POLQ: variants seen among roughly 807,000 people sequenced by gnomAD.
POLQ encodes DNA polymerase theta, also known as epididymis secretory sperm binding protein.
A neutral mutation model predicts 259.2 loss-of-function variants in POLQ; 233 were observed. That is an observed-to-expected ratio of 0.90 (90% confidence interval 0.81 to 1.00). POLQ has a LOEUF of 1.00. Ranked by LOEUF, POLQ falls within the 50% of genes least tolerant of loss-of-function variation. POLQ has a pLI of 0.00. For synonymous variants in POLQ, 1,025 were observed against 1,048.8 expected (o/e 0.98, Z 0.44); for missense variants, 2,871 against 3,051.6 (o/e 0.94, Z 1.39).
chr3:121,539,220 T>C (rs1198382691), intron 4 of POLQ, among the ~76,000 whole-genome samples: 1 of 152,112 alleles, frequency 6.6e-6, no homozygotes, highest in Non-Finnish European at 1.5e-5. Flanking sequence ...TTTTGTAAAG[T>C]ACAAAAATGC....
chr3:121,476,034 G>C (rs574771579), intron 20 of POLQ, among the ~76,000 whole-genome samples: 1 of 152,118 alleles, frequency 6.6e-6, no homozygotes, highest in African/African-American at 2.4e-5. Flanking sequence ...CGAAGGAACA[G>C]AAAATCAAAT....
At chr3:121,469,517 A>C (rs546301236) in intron 22 of POLQ, among the ~76,000 whole-genome samples, 1 of 152,288 alleles carries the variant, frequency 6.6e-6, no homozygotes, top group South Asian at 2.1e-4. Context: ...CTTTTAGCAC[A>C]AAATAAGTGC....
intron 10 of POLQ, 99 bp downstream of exon 10, chr3:121,511,788 T>TA (rs1177825639): frequency 3.2e-5 from 32 of 986,520 alleles, no homozygotes; most frequent in South Asian, 1.8e-4. Flanking sequence ...AAAAATAAAT[T>TA]AAAAAAAATA....
intron 28 of POLQ, among the ~76,000 whole-genome samples, chr3:121,435,356 A>G (rs1252562876): frequency 2.6e-5 from 4 of 152,238 alleles, no homozygotes; most frequent in Non-Finnish European, 4.4e-5. Flanking sequence ...CAAGAAAACA[A>G]TATCAGCAAA....
rs772443644 is a variant in POLQ at position 121,481,657 on chromosome 3, C to T, written c.6126G>A (p.Gly2042=). 6.2e-7 allele frequency: 1 copy of T among 1,614,040 alleles called. No homozygotes were observed. The highest frequency in any genetic ancestry group is 1.7e-5 in the Admixed American group (1 of 60,000). The change falls in exon 19 of 30, where the codon GGG becomes GGA. Residue 2042 remains glycine, a synonymous_variant. Transcript: ENST00000264233. The part of the protein sequence containing the change: ...LGLNAGSEHS[G]RYRASVESIL... Reference sequence around the variant, plus strand: ...TGGACTCCACAGATGCTCTGTATCGCCCAGAATGCTCACTGCCAGCATTTA... The same window carrying T: ...TGGACTCCACAGATGCTCTGTATCGTCCAGAATGCTCACTGCCAGCATTTA...
intron 25 of POLQ, among the ~76,000 whole-genome samples, chr3:121,455,234 T>C (rs1420910580): frequency 7.0e-6 from 1 of 143,098 alleles, no homozygotes; most frequent in Admixed American, 7.0e-5. Context: ...TTCAAAGCAG[T>C]GTGTAGAGGG....
rs543745720 is a variant in POLQ at position 121,467,410 on chromosome 3, T to C, written c.6967+109A>G. On this transcript the variant is annotated intron_variant, in intron 24 of 29. Coordinates refer to ENST00000264233, the MANE Select transcript of POLQ (RefSeq NM_199420.4). Reference sequence around the variant, plus strand: ...GCAGGCTCCACCGTAGACAGAAAGATGGAGGGACCAATGCATGCTCTAAGT... The same window carrying C: ...GCAGGCTCCACCGTAGACAGAAAGACGGAGGGACCAATGCATGCTCTAAGT... 1.7e-4 allele frequency: 179 copies of C among 1,032,662 alleles called. 1 individual carries two copies. The South Asian group carries it at 2.8e-3, about 16-fold the overall frequency. The allele number at this position is 1,032,662 out of a possible 1,614,324, so 64.0% of individuals were successfully genotyped here. A position where few individuals can be genotyped will look rare whatever the true frequency, so the allele number is the denominator to read the frequency against.
At position 121,481,637 on chromosome 3, in the gene POLQ, TC is replaced by T. The variant is rs1172592057; in HGVS notation, c.6145del (p.Glu2049SerfsTer9). ...CATAGAGTTGAAGATGAGAATGGAC[TC>T]CACAGATGCTCTGTATCGCCCAGAA... ...EHSGRYRASV[E>X]SILIFNSMNQ... On this transcript the variant is annotated frameshift_variant, in exon 19 of 30. Coordinates refer to ENST00000264233, the MANE Select transcript of POLQ (RefSeq NM_199420.4). LOFTEE classifies it high-confidence loss of function. 3.7e-6 allele frequency: 6 copies of T among 1,613,760 alleles called. No homozygotes were observed. Among genetic ancestry groups the T allele is most frequent in the Admixed American group, 1.7e-5 (1 of 59,974 alleles).
chr3:121,477,762 C>T (rs1329144623), intron 19 of POLQ, among the ~76,000 whole-genome samples: 1 of 151,978 alleles, frequency 6.6e-6, no homozygotes, highest in Non-Finnish European at 1.5e-5. Flanking sequence ...TCTAAGCAAC[C>T]CTGGCCCACC....
Position 121,545,864 on chromosome 3 carries a change from CGCAGAAGATTCATG to C in POLQ, c.-1_13del. The C allele has an allele frequency of 6.2e-7, 1 of 1,613,974 alleles. No individual in the cohort carries two copies. The highest frequency in any genetic ancestry group is 8.5e-7 in the Non-Finnish European group (1 of 1,179,988). On this transcript the variant is annotated start_lost and 5_prime_UTR_variant, in exon 1 of 30. Coordinates refer to ENST00000264233, the MANE Select transcript of POLQ (RefSeq NM_199420.4). ...TGAACGCCGCCGTTTCCCACTCCGA[CGCAGAAGATTCATG>C]GCAAACTCTTCTCGGCCGATCAGGG...
Position 121,509,913 on chromosome 3 carries a change from T to TA in POLQ, c.1816+125dup, listed in dbSNP as rs1252021247. 1.0e-5 allele frequency: 9 copies of TA among 887,792 alleles called. No homozygotes were observed. In the East Asian group the frequency reaches 2.0e-4, roughly 20 times the overall value. 55.0% of individuals were successfully genotyped at this position (887,792 alleles called of 1,614,324 possible). A position where few individuals can be genotyped will look rare whatever the true frequency, so the allele number is the denominator to read the frequency against. Reference sequence around the variant, plus strand: ...TACTGATTTACTAAAAATGAGTTGATACACTGCTCAAAAAATCAAATTCCT... The same window carrying TA: ...TACTGATTTACTAAAAATGAGTTGATAACACTGCTCAAAAAATCAAATTCCT... On this transcript the variant is annotated intron_variant, in intron 11 of 29. Coordinates refer to ENST00000264233, the MANE Select transcript of POLQ (RefSeq NM_199420.4).
chr3:121,484,053 G>T (rs564515101), intron 17 of POLQ, among the ~76,000 whole-genome samples: 99 of 152,030 alleles, frequency 6.5e-4, no homozygotes, highest in African/African-American at 2.3e-3. Context: ...ACACTATACA[G>T]CATCCTTTAA....
chr3:121,493,737 A>T lies in POLQ; in HGVS notation c.2279-16T>A. The stretch of plus-strand genomic sequence containing the variant: ...GTAATCATCCCTAGAACATTCATAG[A>T]ATATTTGTTGAATTCAATTTTTTTT... On this transcript the variant is annotated splice_polypyrimidine_tract_variant and intron_variant, in intron 14 of 29. Transcript: ENST00000264233. 2 of 1,595,354 alleles carry T rather than the reference A, an allele frequency of 1.3e-6. No homozygotes were observed. The highest frequency in any genetic ancestry group is 1.7e-6 in the Non-Finnish European group (2 of 1,168,388).
chr3:121,485,076 T>C lies in POLQ; in HGVS notation c.5738A>G (p.Tyr1913Cys), dbSNP rs778621509. The C allele has an allele frequency of 2.7e-5, 44 of 1,612,790 alleles. 1 individual carries two copies. Among genetic ancestry groups the C allele is most frequent in the Non-Finnish European group, 3.7e-5 (44 of 1,179,536 alleles). ...TTGTTCCTTCTGCAGTGAAAAATAA[T>C]AGGCATCCCTTCCACCCCAGCATAC... is the stretch of plus-strand genomic sequence containing the variant. ...LAVCWGGRDA[Y>C]YFSLQKEQKH... Residue 1913 changes from tyrosine (Y) to cysteine (C), a missense_variant, in exon 17 of 30, where the codon TAT (tyrosine) becomes TGT (cysteine). By Grantham distance (194) the Tyr-to-Cys change is radical. Around this residue, in one of 3 missense-constraint regions of POLQ, gnomAD observed 2,080 missense variants for 2,126.0 expected, o/e 0.98. Transcript: ENST00000264233.
rs981912103 is a variant in POLQ at position 121,464,529 on chromosome 3, C to T, written c.6967+2990G>A. Among the ~76,000 whole-genome samples, 3 of 152,010 alleles carry T rather than the reference C, an allele frequency of 2.0e-5. No homozygotes were observed. The South Asian group carries it at 6.3e-4, about 32-fold the overall frequency. On this transcript the variant is annotated intron_variant, in intron 24 of 29. Transcript: ENST00000264233. ...TCTGATGTTGATGAATTTAGAGTCG[C>T]TTTTTTATTTAAGTAATACTCCTTT...
chr3:121,508,606 T>C (rs1451757526), intron 12 of POLQ, among the ~76,000 whole-genome samples: 1 of 152,246 alleles, frequency 6.6e-6, no homozygotes, highest in Non-Finnish European at 1.5e-5. Context: ...TGAAACCTGC[T>C]TTGAGATTCC....
intron 10 of POLQ, among the ~76,000 whole-genome samples, chr3:121,510,661 T>C (rs2048248428): frequency 6.6e-6 from 1 of 152,240 alleles, no homozygotes; most frequent in South Asian, 2.1e-4. Flanking sequence ...TCTCATTTTT[T>C]TAAATGTTCT....
chr3:121,460,452 T>C (rs1281763463), intron 24 of POLQ, among the ~76,000 whole-genome samples: 6 of 152,190 alleles, frequency 3.9e-5, no homozygotes, highest in Admixed American at 3.9e-4. Flanking sequence ...ATATATAATA[T>C]GGGTAAAGCC....
intron 29 of POLQ, 134 bp downstream of exon 29, chr3:121,432,784 G>A: frequency 1.5e-6 from 1 of 645,368 alleles, no homozygotes; most frequent in Non-Finnish European, 2.8e-6. Context: ...TACCTGTAAG[G>A]ACTCAATATT....
Sources: gnomAD v4.1 joint callset for allele counts (sites outside exome capture counted in the v4.1 genomes callset) on GRCh38, gnomAD v4.1.1 for gene constraint, gnomAD v4.1.1 regional missense constraint, MANE v1.5 for transcripts, NCBI Gene and HGNC (gene_info 2026-07-23, HGNC 2026-07-21) for gene names.